The following SUGCT variants were observed in gnomAD, a reference collection of about 807,000 sequenced individuals.
The protein encoded by SUGCT is succinyl-CoA:glutarate CoA-transferase.
Under a neutral mutation model 55.0 loss-of-function variants are expected in SUGCT, and 41 were observed. That is an observed-to-expected ratio of 0.74 (90% CI 0.58 to 0.97). The LOEUF (loss-of-function observed/expected upper bound fraction) is 0.97. Ranked by LOEUF, SUGCT falls within the 50% of genes least tolerant of loss-of-function variation. SUGCT has a pLI of 0.00. For synonymous variants in SUGCT, 187 were observed against 200.4 expected (o/e 0.93, Z 0.56); for missense variants, 568 against 547.8 (o/e 1.04, Z -0.37).
chr7:40,466,488 C>T (rs1400908653), intron 11 of SUGCT, among the ~76,000 whole-genome samples: 1 of 152,226 alleles, frequency 6.6e-6, no homozygotes, highest in African/African-American at 2.4e-5. Context: ...GCCGCTGCAT[C>T]ACAGCATCTA....
At chr7:40,692,096 G>A (rs904910657) in intron 12 of SUGCT, among the ~76,000 whole-genome samples, 5 of 152,052 alleles carry the variant, frequency 3.3e-5, no homozygotes, top group Admixed American at 2.0e-4. Flanking sequence ...CTAGTCACTC[G>A]TTAATAATGT....
the SUGCT span, among the ~76,000 whole-genome samples, chr7:40,915,525 A>C: frequency 3.9e-5 from 6 of 152,332 alleles, no homozygotes; most frequent in African/African-American, 1.2e-4. Flanking sequence ...AAACAGGCTA[A>C]TAATGGGGAC....
chr7:40,453,614 A>G (rs1000973648), intron 10 of SUGCT, among the ~76,000 whole-genome samples: 2 of 152,220 alleles, frequency 1.3e-5, no homozygotes, highest in African/African-American at 4.8e-5. Flanking sequence ...CCTTAATCAA[A>G]ATGAGAATCA....
At chr7:40,676,893 A>AGGTGTGTG in intron 12 of SUGCT, among the ~76,000 whole-genome samples, 1 of 88,340 alleles carries the variant, frequency 1.1e-5, no homozygotes, top group Admixed American at 1.2e-4. Flanking sequence ...TTTCAGAATG[A>AGGTGTGTG]CGTGTGTGTG....
At position 40,173,790 on chromosome 7, in the gene SUGCT, A is replaced by G. The variant is rs188292177; in HGVS notation, c.101-7157A>G. 1.2e-3 allele frequency among the ~76,000 whole-genome samples: 181 copies of G among 151,398 alleles called. 2 individuals carry two copies. Among genetic ancestry groups the G allele is most frequent in the African/African-American group, 4.2e-3 (175 of 41,364 alleles). ...TTTCACAGGTGTATACATCTGTCAA[A>G]ATTTATTTAATTGTACAATTTATTG... On this transcript the variant is annotated intron_variant, in intron 1 of 13. Coordinates refer to ENST00000335693, the MANE Select transcript of SUGCT (RefSeq NM_001193313.2).
intron 13 of SUGCT, among the ~76,000 whole-genome samples, chr7:40,757,856 G>T (rs1788335217): frequency 6.6e-6 from 1 of 152,102 alleles, no homozygotes; most frequent in South Asian, 2.1e-4. Context: ...TGCGTTCCTG[G>T]TATATTAGCT....
chr7:40,808,719 T>G (rs1791240079), intron 13 of SUGCT, among the ~76,000 whole-genome samples: 1 of 152,228 alleles, frequency 6.6e-6, no homozygotes, highest in South Asian at 2.1e-4. Context: ...CTTGTGTGTG[T>G]CATTCAGACA....
At chr7:40,945,036 C>G in the SUGCT span, among the ~76,000 whole-genome samples, 2 of 151,814 alleles carry the variant, frequency 1.3e-5, no homozygotes, top group Non-Finnish European at 2.9e-5. Context: ...TTAATTTTTC[C>G]CCAGTATTTT....
chr7:40,333,030 C>A (rs1003933293), intron 9 of SUGCT, among the ~76,000 whole-genome samples: 2 of 151,956 alleles, frequency 1.3e-5, no homozygotes, highest in Non-Finnish European at 2.9e-5. Flanking sequence ...ATATTAGATA[C>A]GTAAATGCTA....
the SUGCT span, among the ~76,000 whole-genome samples, chr7:40,917,747 G>T: frequency 2.0e-5 from 3 of 152,170 alleles, no homozygotes; most frequent in African/African-American, 7.2e-5. Context: ...CCCTCTTCAT[G>T]GTTTGCAGAT....
intron 9 of SUGCT, among the ~76,000 whole-genome samples, chr7:40,363,996 T>C (rs1276606984): frequency 6.6e-6 from 1 of 152,106 alleles, no homozygotes; most frequent in Non-Finnish European, 1.5e-5. Flanking sequence ...ATCTGGGTGC[T>C]CCTGTATTGG....
chr7:40,778,109 A>T (rs536969098), intron 13 of SUGCT, among the ~76,000 whole-genome samples: 1 of 152,204 alleles, frequency 6.6e-6, no homozygotes, highest in Non-Finnish European at 1.5e-5. Flanking sequence ...AGCATCTCTG[A>T]TCATAGTGTC....
intron 13 of SUGCT, among the ~76,000 whole-genome samples, chr7:40,854,507 C>T (rs1794070425): frequency 8.2e-6 from 1 of 121,228 alleles, no homozygotes; most frequent in African/African-American, 3.3e-5. Flanking sequence ...TCTTTCTTGT[C>T]CATTGGCTTC....
intron 13 of SUGCT, among the ~76,000 whole-genome samples, chr7:40,816,505 G>T (rs961466223): frequency 6.6e-6 from 1 of 152,150 alleles, no homozygotes; most frequent in Admixed American, 6.5e-5. Context: ...CTCATGTACT[G>T]GGGTTTTACT....
At position 40,860,535 on chromosome 7, in the gene SUGCT, C is replaced by G; in HGVS notation, c.*56C>G. ...GATCCGAATACACTGGCAAAGGCAA[C>G]ACTTTGCTTGGACCCTTCTCCCCAG... On this transcript the variant is annotated 3_prime_UTR_variant, in exon 14 of 14. Transcript: ENST00000335693. 1 of 1,544,478 alleles carries G rather than the reference C, an allele frequency of 6.5e-7. No individual in the cohort carries two copies. The highest frequency in any genetic ancestry group is 2.3e-5 in the East Asian group (1 of 44,018).
the SUGCT span, among the ~76,000 whole-genome samples, chr7:40,959,873 G>A: frequency 3.3e-5 from 5 of 152,290 alleles, no homozygotes; most frequent in East Asian, 9.7e-4. Flanking sequence ...ATCTGGGCCA[G>A]AGTGCACCAT....
the SUGCT span, among the ~76,000 whole-genome samples, chr7:41,030,286 C>A: frequency 2.6e-5 from 4 of 151,458 alleles, no homozygotes; most frequent in African/African-American, 9.7e-5. Flanking sequence ...TCACCATCTT[C>A]TGCTTTTTTG....
chr7:40,788,423 A>G (rs1291818973), intron 13 of SUGCT, among the ~76,000 whole-genome samples: 2 of 152,250 alleles, frequency 1.3e-5, no homozygotes, highest in African/African-American at 4.8e-5. Context: ...AGACGTTGGA[A>G]TTACCTGGCA....
At chr7:40,998,679 T>G in the SUGCT span, among the ~76,000 whole-genome samples, 1 of 152,166 alleles carries the variant, frequency 6.6e-6, no homozygotes, top group Non-Finnish European at 1.5e-5. Flanking sequence ...TATTGGTGTC[T>G]TCTAGAAAGC....
Sources: gnomAD v4.1 joint callset for allele counts (sites outside exome capture counted in the v4.1 genomes callset) on GRCh38, gnomAD v4.1.1 for gene constraint, MANE v1.5 for transcripts, NCBI Gene and HGNC (gene_info 2026-07-23, HGNC 2026-07-21) for gene names.